Variants in TBC1D5 observed in about 807,000 individuals in gnomAD.
The protein encoded by TBC1D5 is TBC1 domain family member 5.
A neutral mutation model predicts 100.3 loss-of-function variants in TBC1D5; 75 were observed. That is an observed-to-expected ratio of 0.75 (90% CI 0.62 to 0.91). TBC1D5 has a LOEUF of 0.91. TBC1D5 is among the 40% of genes least tolerant of loss of function. The pLI, the probability that TBC1D5 is intolerant of heterozygous loss-of-function variation, is 0.00. For missense variants in TBC1D5, 910 were observed against 942.4 expected, an observed-to-expected ratio of 0.97 and a Z score of 0.45; for synonymous variants, 323 against 325.6, an observed-to-expected ratio of 0.99 and a Z score of 0.09.
At chr3:17,712,007 G>A (rs988232263) in intron 1 of TBC1D5, among the ~76,000 whole-genome samples, 1 of 152,162 alleles carries the variant, frequency 6.6e-6, no homozygotes, top group African/African-American at 2.4e-5. Flanking sequence ...TAAAACACAT[G>A]CTTAATTAAA....
At chr3:17,540,110 G>C (rs563749865) in intron 2 of TBC1D5, among the ~76,000 whole-genome samples, 1 of 152,326 alleles carries the variant, frequency 6.6e-6, no homozygotes, top group South Asian at 2.1e-4. Context: ...TGAGCATCTT[G>C]TGGTGTACCA....
chr3:17,256,091 CTATTGGTCAGAT>C (rs1416746307), intron 16 of TBC1D5, among the ~76,000 whole-genome samples: 1 of 152,042 alleles, frequency 6.6e-6, no homozygotes, highest in Non-Finnish European at 1.5e-5. Flanking sequence ...CTTCAAGTAA[CTATTGGTCAGAT>C]TATTGGTCAG....
intron 2 of TBC1D5, among the ~76,000 whole-genome samples, chr3:17,589,539 T>G (rs1459510707): frequency 5.3e-5 from 8 of 152,216 alleles, no homozygotes; most frequent in Non-Finnish European, 2.9e-5. Flanking sequence ...GACTCTTGTC[T>G]GCCGCCCTGT....
intron 2 of TBC1D5, among the ~76,000 whole-genome samples, chr3:17,617,289 G>A (rs1050110959): frequency 1.3e-5 from 2 of 152,184 alleles, no homozygotes; most frequent in African/African-American, 4.8e-5. Flanking sequence ...TGGGTAACTC[G>A]ACCTTTCTGT....
At chr3:17,309,348 G>T (rs1287039540) in intron 13 of TBC1D5, among the ~76,000 whole-genome samples, 2 of 151,668 alleles carry the variant, frequency 1.3e-5, no homozygotes, top group Admixed American at 6.6e-5. Context: ...TTAATCAATA[G>T]AATAATTAGA....
chr3:17,699,111 T>C (rs1231987260), intron 1 of TBC1D5, among the ~76,000 whole-genome samples: 2,544 of 146,776 alleles, frequency 0.017, 63 homozygotes, highest in African/African-American at 0.06. Context: ...TATTGCGGCA[T>C]TATTCACAAT....
At chr3:17,585,448 A>C (rs556935642) in intron 2 of TBC1D5, among the ~76,000 whole-genome samples, 98 of 152,310 alleles carry the variant, frequency 6.4e-4, no homozygotes, top group Non-Finnish European at 1.2e-3. Flanking sequence ...TAAAATTCTG[A>C]GATCTCAGTA....
In TBC1D5 at chr3:17,609,031, G is replaced by A. The variant is rs370002675; in HGVS notation, c.-36+14818C>T. Among the ~76,000 whole-genome samples, 7 of 152,190 alleles carry A rather than the reference G, an allele frequency of 4.6e-5. No individual in the cohort carries two copies. The South Asian group carries it at 1.5e-3, about 32-fold the overall frequency. On this transcript the variant is annotated intron_variant, in intron 2 of 21. Coordinates refer to ENST00000253692, the Ensembl canonical transcript of TBC1D5. ...GCTTCCTAGATCTCAGAATCATCTG[G>A]AAATCTGCAATGTTTTACAACATGC...
At chr3:17,171,077 T>G (rs2067131996) in intron 19 of TBC1D5, among the ~76,000 whole-genome samples, 1 of 152,194 alleles carries the variant, frequency 6.6e-6, no homozygotes, top group African/African-American at 2.4e-5. Flanking sequence ...CAGGAAGTCC[T>G]AGTCATGCCC....
At chr3:17,533,018 C>T (rs1455564119) in intron 2 of TBC1D5, among the ~76,000 whole-genome samples, 1 of 151,442 alleles carries the variant, frequency 6.6e-6, no homozygotes, top group African/African-American at 2.4e-5. Flanking sequence ...GATCACACCA[C>T]TGCACTCCAG....
chr3:17,446,708 G>A (rs995135577), intron 3 of TBC1D5, among the ~76,000 whole-genome samples: 11 of 152,114 alleles, frequency 7.2e-5, no homozygotes, highest in African/African-American at 2.4e-4. Context: ...GCGGTGGCTC[G>A]CGCCTGTAAT....
chr3:17,368,582 C>T (rs902460756), intron 13 of TBC1D5, among the ~76,000 whole-genome samples: 2 of 151,996 alleles, frequency 1.3e-5, no homozygotes, highest in Non-Finnish European at 2.9e-5. Flanking sequence ...TTATGATTTA[C>T]TCCTCTTTCC....
At chr3:17,259,215 C>G (rs867763548) in intron 15 of TBC1D5, among the ~76,000 whole-genome samples, 5 of 152,158 alleles carry the variant, frequency 3.3e-5, no homozygotes, top group Admixed American at 2.0e-4. Flanking sequence ...TTGACCAATG[C>G]ACATTTTCAC....
intron 2 of TBC1D5, among the ~76,000 whole-genome samples, chr3:17,573,012 G>A (rs1056826367): frequency 7.9e-5 from 12 of 152,074 alleles, no homozygotes; most frequent in African/African-American, 1.2e-4. Flanking sequence ...TCATGCCAGC[G>A]TTTATGTTAG....
intron 15 of TBC1D5, among the ~76,000 whole-genome samples, chr3:17,275,823 C>T (rs1225497501): frequency 6.6e-6 from 1 of 152,102 alleles, no homozygotes; most frequent in East Asian, 1.9e-4. Context: ...AGTAAGACTA[C>T]CCTTACTGTG....
At chr3:17,448,605 A>G (rs928458976) in intron 3 of TBC1D5, among the ~76,000 whole-genome samples, 1 of 152,228 alleles carries the variant, frequency 6.6e-6, no homozygotes, top group African/African-American at 2.4e-5. Context: ...CATCTCTACC[A>G]GAGCTTTTGT....
intron 14 of TBC1D5, among the ~76,000 whole-genome samples, chr3:17,298,016 AT>A (rs2082439089): frequency 2.0e-5 from 3 of 152,186 alleles, no homozygotes; most frequent in African/African-American, 7.2e-5. Flanking sequence ...GCCTGAAAAA[AT>A]TGGTGGGGAT....
At chr3:17,668,290 G>A (rs749724262) in intron 1 of TBC1D5, among the ~76,000 whole-genome samples, 27 of 151,240 alleles carry the variant, frequency 1.8e-4, no homozygotes, top group Admixed American at 4.6e-4. Context: ...TACAGGGAGG[G>A]AAGAAAAGTG....
chr3:17,475,677 C>G (rs554626102), intron 3 of TBC1D5, among the ~76,000 whole-genome samples: 3 of 152,132 alleles, frequency 2.0e-5, no homozygotes, highest in African/African-American at 7.2e-5. Context: ...CATTCCCAGT[C>G]AGAAGCTGAA....
Sources: allele counts gnomAD v4.1 joint callset (sites outside exome capture counted in the v4.1 genomes callset), GRCh38; gene constraint gnomAD v4.1.1; transcripts MANE v1.5; gene names NCBI Gene and HGNC (gene_info 2026-07-23, HGNC 2026-07-21).